PI4KA: variants seen among roughly 807,000 people sequenced by gnomAD.
PI4KA encodes PI4-kinase alpha.
Under a neutral mutation model 271.4 loss-of-function variants are expected in PI4KA, and 122 were observed. That is an observed-to-expected ratio of 0.45 (90% confidence interval 0.39 to 0.52). The LOEUF (loss-of-function observed/expected upper bound fraction) is 0.52. Ranked by LOEUF, PI4KA falls within the 20% of genes least tolerant of loss-of-function variation. The pLI, the probability that PI4KA is intolerant of heterozygous loss-of-function variation, is 0.00. For synonymous variants in PI4KA, 1,041 were observed against 1,078.8 expected (o/e 0.96, Z 0.69); for missense variants, 1,969 against 2,769.1 (o/e 0.71, Z 6.48).
chr22:20,840,165 T>A (rs1289177635), intron 1 of PI4KA, among the ~76,000 whole-genome samples: 1 of 152,204 alleles, frequency 6.6e-6, no homozygotes, highest in East Asian at 1.9e-4. Context: ...TCATCAAAAT[T>A]GGCATAACAT....
chr22:20,785,916 T>C lies in PI4KA; in HGVS notation c.2328+7277A>G, dbSNP rs188239120. On this transcript the variant is annotated intron_variant, in intron 19 of 54. Coordinates refer to ENST00000255882, the MANE Select transcript of PI4KA (RefSeq NM_058004.4). ...TGCTATATCAATTCTGTGATAAATA[T>C]AACCCGTGGCCCTTTAAAGGGAAAA... 604 of 1,556,258 alleles carry C rather than the reference T, an allele frequency of 3.9e-4. 1 individual carries two copies. The African/African-American group carries it at 6.8e-3, about 18-fold the overall frequency.
chr22:20,786,220 C>G, intron 19 of PI4KA: 1 of 1,531,398 alleles, frequency 6.5e-7, no homozygotes, highest in Non-Finnish European at 9.0e-7. Flanking sequence ...TCCACTTGCC[C>G]TTCCTACCCA....
intron 16 of PI4KA, 199 bp from the exon 17 acceptor site, chr22:20,798,886 G>A (rs1047325694): frequency 3.7e-5 from 23 of 624,414 alleles, no homozygotes; most frequent in Non-Finnish European, 6.2e-5. Flanking sequence ...CAAATCTTCT[G>A]TTATAATACA....
At chr22:20,742,805 G>C (rs1318990343) in intron 30 of PI4KA, 41 bp from the exon 31 acceptor site, 4 of 1,603,474 alleles carry the variant, frequency 2.5e-6, no homozygotes, top group Non-Finnish European at 3.4e-6. Context: ...ATATAATCCA[G>C]GCAATGTGGG....
At position 20,761,352 on chromosome 22, in the gene PI4KA, C is replaced by T; in HGVS notation, c.2743G>A (p.Val915Ile). Reference sequence around the variant, plus strand: ...TTATCCTCAAAGTAGCAGAACATTACCTGGAAGCGATCAGGATCTGTTGAA... The same window carrying T: ...TTATCCTCAAAGTAGCAGAACATTATCTGGAAGCGATCAGGATCTGTTGAA... ...LRSTDPDRFQ[V>I]MFCYFEDKAI... Residue 915 changes from valine to isoleucine, a missense_variant, in exon 23 of 55, where the codon GTA becomes ATA. Transcript: ENST00000255882. The T allele has an allele frequency of 1.9e-6, 3 of 1,612,668 alleles. No individual in the cohort carries two copies. The highest frequency in any genetic ancestry group is 1.1e-5 in the South Asian group (1 of 91,060).
chr22:20,851,548 G>C (rs1225328104), intron 1 of PI4KA, among the ~76,000 whole-genome samples: 2 of 152,154 alleles, frequency 1.3e-5, no homozygotes, highest in African/African-American at 4.8e-5. Context: ...ATGTTGGCCA[G>C]GCTGGTCTCG....
chr22:20,717,151 C>A, intron 45 of PI4KA, among the ~76,000 whole-genome samples: 1 of 152,222 alleles, frequency 6.6e-6, no homozygotes, highest in Middle Eastern at 3.4e-3. Flanking sequence ...GAGGCTGAGG[C>A]GACACAGCGA....
intron 25 of PI4KA, 145 bp downstream of exon 25, chr22:20,752,758 G>A (rs1930845401): frequency 2.5e-6 from 2 of 795,038 alleles, no homozygotes; most frequent in South Asian, 1.7e-5. Flanking sequence ...ACAGACATTG[G>A]AGGGAGGCTG....
chr22:20,856,239 G>A (rs572499617), intron 1 of PI4KA, among the ~76,000 whole-genome samples: 2 of 150,362 alleles, frequency 1.3e-5, no homozygotes, highest in African/African-American at 4.9e-5. Flanking sequence ...TTGAAACTGA[G>A]AGGCAGAGGT....
In PI4KA at chr22:20,727,259, C is replaced by G; in HGVS notation, c.4912G>C (p.Gly1638Arg). 1 of 1,613,110 alleles carries G rather than the reference C, an allele frequency of 6.2e-7. No individual in the cohort carries two copies. Among genetic ancestry groups the G allele is most frequent in the Non-Finnish European group, 8.5e-7 (1 of 1,179,856 alleles). Residue 1638 changes from glycine (G) to arginine (R), a missense_variant, in exon 41 of 55, where the codon GGG (glycine) becomes CGG (arginine). By Grantham distance (125) the Gly-to-Arg change is moderately radical (BLOSUM62 -2). Transcript: ENST00000255882. ...YPPHPLTAQY[G>R]VKVLRSFPPD... ...GGGAAGGACCGCAGGACTTTCACCC[C>G]GTACTGCGCCGTGAGAGGGTGCGGC...
Position 20,858,768 on chromosome 22 carries a change from G to C in PI4KA, c.-43C>G. The stretch of plus-strand genomic sequence containing the variant: ...CGCTGCCCGCCGGCTCCCCGCTCCT[G>C]GCCCGCGAGCGCCCGACCTCAGGGC... On this transcript the variant is annotated 5_prime_UTR_variant, in exon 1 of 55. Coordinates refer to ENST00000255882, the MANE Select transcript of PI4KA (RefSeq NM_058004.4). 2 of 1,371,098 alleles carry C rather than the reference G, an allele frequency of 1.5e-6. No homozygotes were observed. Among genetic ancestry groups the C allele is most frequent in the South Asian group, 3.1e-5 (2 of 64,708 alleles). 84.9% of individuals were successfully genotyped at this position (1,371,098 alleles called of 1,614,324 possible). A position where few individuals can be genotyped will look rare whatever the true frequency, so the allele number is the denominator to read the frequency against.
At chr22:20,801,016 G>A (rs1202087624) in intron 14 of PI4KA, among the ~76,000 whole-genome samples, 24 of 147,916 alleles carry the variant, frequency 1.6e-4, no homozygotes, top group African/African-American at 5.5e-4. Context: ...TCAGCCTCCC[G>A]AGTAGCTGGG....
At chr22:20,715,629 C>T (rs1220066051) in intron 45 of PI4KA, among the ~76,000 whole-genome samples, 3 of 151,686 alleles carry the variant, frequency 2.0e-5, no homozygotes, top group Admixed American at 6.6e-5. Context: ...CGCCTGCCAC[C>T]GCGCCTGGCT....
intron 10 of PI4KA, among the ~76,000 whole-genome samples, chr22:20,806,389 G>A (rs1935652091): frequency 6.6e-6 from 1 of 152,182 alleles, no homozygotes; most frequent in South Asian, 2.1e-4. Flanking sequence ...ATTGTCTCAG[G>A]TTGGGTGCAG....
In PI4KA at chr22:20,726,575, T is replaced by C. The variant is rs1280930197; in HGVS notation, c.4942-34A>G. The C allele has an allele frequency of 3.2e-6, 5 of 1,566,720 alleles. No individual in the cohort carries two copies. The South Asian group carries it at 3.6e-5, about 11-fold the overall frequency. On this transcript the variant is annotated intron_variant, in intron 41 of 54. Coordinates refer to ENST00000255882, the MANE Select transcript of PI4KA (RefSeq NM_058004.4). ...GTGGAGCAGAGTTGGCCATGACTTC[T>C]GAGAGCAGAGCCACCCAACCCTACG...
rs143541255 is a variant in PI4KA at position 20,721,570 on chromosome 22, T to C, written c.4996-152A>G. 559 of 757,976 alleles carry C rather than the reference T, an allele frequency of 7.4e-4. 8 individuals are homozygous for C. The East Asian group carries it at 0.014, about 19-fold the overall frequency. The allele number at this position is 757,976 out of a possible 1,614,324, so 47.0% of individuals were successfully genotyped here. On this transcript the variant is annotated intron_variant, in intron 42 of 54. Coordinates refer to ENST00000255882, the MANE Select transcript of PI4KA (RefSeq NM_058004.4). ...TGGACAAGCTCTCCAGGATTGATGT[T>C]GAGTCCAGCCAGTGGCCAGGCCAAG...
In PI4KA at chr22:20,831,845, C is replaced by T. The variant is rs188623693; in HGVS notation, c.367+2717G>A. ...TATTTCATAGGGGTTCTCTGCATTT[C>T]CTGAATTTGAATTTTGGCCTCTCTA... is the stretch of plus-strand genomic sequence containing the variant. On this transcript the variant is annotated intron_variant, in intron 3 of 54. Coordinates refer to ENST00000255882, the MANE Select transcript of PI4KA (RefSeq NM_058004.4). Among the ~76,000 whole-genome samples, 58 of 152,116 alleles carry T rather than the reference C, an allele frequency of 3.8e-4. 1 individual carries two copies. The Middle Eastern group carries it at 0.014, about 36-fold the overall frequency.
intron 3 of PI4KA, among the ~76,000 whole-genome samples, chr22:20,831,983 C>T (rs889605010): frequency 5.9e-5 from 9 of 152,164 alleles, no homozygotes; most frequent in Non-Finnish European, 1.2e-4. Context: ...TTGGTCTCTA[C>T]ATAATCCCAT....
At chr22:20,721,261 A>G (rs368290620) in intron 43 of PI4KA, 37 bp downstream of exon 43, 41 of 1,611,710 alleles carry the variant, frequency 2.5e-5, no homozygotes, top group Non-Finnish European at 3.2e-5. Flanking sequence ...TGCACTGAAG[A>G]CAGTAAGTGA....
Sources: gnomAD v4.1 joint callset for allele counts (sites outside exome capture counted in the v4.1 genomes callset) on GRCh38, gnomAD v4.1.1 for gene constraint, MANE v1.5 for transcripts, NCBI Gene and HGNC (gene_info 2026-07-23, HGNC 2026-07-21) for gene names.